The following C14orf39 variants were observed in gnomAD, a reference collection of about 807,000 sequenced individuals.
C14orf39 encodes the protein chromosome 14 open reading frame 39, also known as protein SIX6OS1.
A neutral mutation model predicts 85.6 loss-of-function variants in C14orf39; 66 were observed. That is an observed-to-expected ratio of 0.77 (90% confidence interval 0.63 to 0.95). C14orf39 has a LOEUF of 0.95. Ranked by LOEUF, C14orf39 falls within the 40% of genes least tolerant of loss-of-function variation. The pLI, the probability that C14orf39 is intolerant of heterozygous loss-of-function variation, is 0.00. For synonymous variants in C14orf39, 242 were observed against 214.0 expected, an observed-to-expected ratio of 1.13 and a Z score of -1.14; for missense variants, 735 against 663.9, an observed-to-expected ratio of 1.11 and a Z score of -1.18.
rs111319104 is a variant in C14orf39 at position 60,443,289 on chromosome 14, T to C, written c.1504-1158A>G. Among the ~76,000 whole-genome samples the C allele has an allele frequency of 3.1e-3, 465 of 152,288 alleles. 1 individual carries two copies. Among genetic ancestry groups the C allele is most frequent in the African/African-American group, 0.011 (448 of 41,568 alleles). Reference sequence around the variant, plus strand: ...CTAGCCAAGGGAAGCTGTGACAGACTGTACCTGGAAAAACAGTACACTCCC... The same window carrying C: ...CTAGCCAAGGGAAGCTGTGACAGACCGTACCTGGAAAAACAGTACACTCCC... On this transcript the variant is annotated intron_variant, in intron 16 of 17. Coordinates refer to ENST00000321731, the MANE Select transcript of C14orf39 (RefSeq NM_174978.3).
At chr14:60,480,384 C>G (rs972499154) in intron 4 of C14orf39, among the ~76,000 whole-genome samples, 1 of 152,038 alleles carries the variant, frequency 6.6e-6, no homozygotes, top group African/African-American at 2.4e-5. Context: ...AGTGAGATCG[C>G]GCCATTGCAC....
chr14:60,471,133 T>C (rs7155448), intron 7 of C14orf39, among the ~76,000 whole-genome samples: 95,080 of 151,018 alleles, frequency 0.63, 30,937 homozygotes, highest in Admixed American at 0.71. Context: ...GAATTTTCTT[T>C]GGTAAGACAG....
At chr14:60,488,462 T>C (rs1184366887), upstream of C14orf39, among the ~76,000 whole-genome samples, 1 of 152,172 alleles carries the variant, frequency 6.6e-6, no homozygotes, top group African/African-American at 2.4e-5. Context: ...TTTGAAAAAT[T>C]ATAGAACTTT....
rs769382024 is a variant in C14orf39 at position 60,468,549 on chromosome 14, T to C, written c.676-13A>G. On this transcript the variant is annotated splice_polypyrimidine_tract_variant and intron_variant, in intron 8 of 17. Transcript: ENST00000321731. Reference sequence around the variant, plus strand: ...GCCTAGATATCTGCTAAAAAGACAATTGGGAACACAAAACAAAATAATTAC... The same window carrying C: ...GCCTAGATATCTGCTAAAAAGACAACTGGGAACACAAAACAAAATAATTAC... The C allele has an allele frequency of 1.4e-5, 20 of 1,481,322 alleles. No individual in the cohort carries two copies. The South Asian group carries it at 1.8e-4, about 13-fold the overall frequency. The allele number at this position is 1,481,322 out of a possible 1,614,324, so 91.8% of individuals were successfully genotyped here. A position where few individuals can be genotyped will look rare whatever the true frequency, so the allele number is the denominator to read the frequency against.
intron 3 of C14orf39, among the ~76,000 whole-genome samples, 154 bp from the exon 4 acceptor site, chr14:60,483,971 A>G (rs1447933248): frequency 3.3e-5 from 5 of 152,228 alleles, no homozygotes; most frequent in Non-Finnish European, 7.3e-5. Context: ...ACCGTATACT[A>G]AAATGCAGAG....
intron 1 of C14orf39, among the ~76,000 whole-genome samples, chr14:60,501,306 C>CAAAAAA (rs66800067): frequency 9.5e-6 from 1 of 105,614 alleles, no homozygotes; most frequent in Non-Finnish European, 1.8e-5. Context: ...ACCCTGTCTC[C>CAAAAAA]AAAAAAAAAA....
intron 4 of C14orf39, among the ~76,000 whole-genome samples, chr14:60,480,609 G>A (rs534569533): frequency 5.3e-5 from 8 of 152,116 alleles, no homozygotes; most frequent in Admixed American, 1.3e-4. Flanking sequence ...TTGAGTATTC[G>A]TCCAAAGGAA....
chr14:60,465,901 T>A (rs1331343942), intron 11 of C14orf39, 78 bp downstream of exon 11: 8 of 618,906 alleles, frequency 1.3e-5, no homozygotes, highest in African/African-American at 3.8e-5. Context: ...CACGTCTGTG[T>A]CTTAAGGGCA....
intron 1 of C14orf39, among the ~76,000 whole-genome samples, chr14:60,506,593 G>C (rs189283525): frequency 1.1e-4 from 17 of 152,296 alleles, no homozygotes; most frequent in African/African-American, 4.1e-4. Flanking sequence ...GTGCCCTGGC[G>C]CAGTCTATTT....
chr14:60,496,717 C>T (rs1034951908), intron 2 of C14orf39: 1 of 152,582 alleles, frequency 6.6e-6, no homozygotes, highest in Non-Finnish European at 1.5e-5. Context: ...GCTTCATTCT[C>T]ATTCAATTTA....
chr14:60,457,852 C>A (rs552408524), intron 14 of C14orf39, among the ~76,000 whole-genome samples: 281 of 152,088 alleles, frequency 1.8e-3, no homozygotes, highest in African/African-American at 6.3e-3. Flanking sequence ...ATGGCAACCA[C>A]TGCTCTTGAA....
rs990466328 is a variant in C14orf39, at chr14:60,484,279, T to C, written c.107-462A>G. ...CTGTTACTAGTGATTAAATAGAAGA[T>C]AAAATGGACATAATTTCTTAAAAAG... On this transcript the variant is annotated intron_variant, in intron 3 of 17. Coordinates refer to ENST00000321731, the MANE Select transcript of C14orf39 (RefSeq NM_174978.3). This position sits in a 1 kb window ranked among gnomAD's most constrained non-coding sequence, Gnocchi z 4.2. 1.3e-4 allele frequency among the ~76,000 whole-genome samples: 20 copies of C among 152,316 alleles called. No individual in the cohort carries two copies. Among genetic ancestry groups the C allele is most frequent in the Admixed American group, 1.0e-3 (16 of 15,300 alleles).
chr14:60,509,243 T>C, intron 1 of C14orf39: 1 of 679,322 alleles, frequency 1.5e-6, no homozygotes, highest in South Asian at 1.7e-5. Flanking sequence ...GGTCGTCCGC[T>C]CCCGGCCGTT....
At chr14:60,464,609 T>A (rs750589710) in intron 11 of C14orf39, among the ~76,000 whole-genome samples, 4 of 152,130 alleles carry the variant, frequency 2.6e-5, no homozygotes, top group Non-Finnish European at 5.9e-5. Flanking sequence ...ATATGAAATA[T>A]ATTTACCCCA....
upstream of C14orf39, among the ~76,000 whole-genome samples, chr14:60,489,250 T>G: frequency 6.6e-6 from 1 of 152,228 alleles, no homozygotes; most frequent in East Asian, 1.9e-4. Flanking sequence ...TTTCTTTGTA[T>G]GCATCCAGTC....
At chr14:60,500,231 C>T (rs8010596) in intron 1 of C14orf39, among the ~76,000 whole-genome samples, 4,202 of 152,010 alleles carry the variant, frequency 0.028, 206 homozygotes, top group African/African-American at 0.095. Flanking sequence ...TTTACCATGT[C>T]GGTCAGGCTG....
At chr14:60,474,328 C>G (rs1397065351) in intron 5 of C14orf39, among the ~76,000 whole-genome samples, 3 of 151,596 alleles carry the variant, frequency 2.0e-5, no homozygotes, top group South Asian at 2.1e-4. Flanking sequence ...TCTAGATATA[C>G]AATCATGTCA....
chr14:60,475,079 C>T (rs1347192905), intron 5 of C14orf39, among the ~76,000 whole-genome samples: 1 of 152,066 alleles, frequency 6.6e-6, no homozygotes, highest in Non-Finnish European at 1.5e-5. Context: ...AATTTCAGAG[C>T]CTGTTATTGG....
At chr14:60,443,257 C>T (rs1278256286) in intron 16 of C14orf39, among the ~76,000 whole-genome samples, 4 of 152,210 alleles carry the variant, frequency 2.6e-5, no homozygotes, top group Non-Finnish European at 5.9e-5. Flanking sequence ...TGGGGGATTT[C>T]CCTTTCCTAG....
Sources: gnomAD v4.1 joint callset for allele counts (sites outside exome capture counted in the v4.1 genomes callset) on GRCh38, gnomAD v4.1.1 for gene constraint, Gnocchi (gnomAD v3.1) non-coding constraint, MANE v1.5 for transcripts, NCBI Gene and HGNC (gene_info 2026-07-23, HGNC 2026-07-21) for gene names.